The following C4orf54 variants were observed in gnomAD, a reference collection of about 807,000 sequenced individuals.
C4orf54 encodes uncharacterized protein C4orf54.
Under a neutral mutation model 80.1 loss-of-function variants are expected in C4orf54, and 67 were observed. The ratio of observed to expected loss-of-function variants is 0.84; its 90% CI spans 0.69 to 1.03. The LOEUF is 1.03. Ranked by LOEUF, C4orf54 falls within the 50% of genes least tolerant of loss-of-function variation. C4orf54 has a pLI of 0.00. For synonymous variants in C4orf54, 1,000 were observed against 917.0 expected (o/e 1.09, Z -1.64); for missense variants, 2,434 against 2,253.5 (o/e 1.08, Z -1.62).
At chr4:99,643,786 AC>A (rs1726647771) in intron 2 of C4orf54, among the ~76,000 whole-genome samples, 1 of 108,006 alleles carries the variant, frequency 9.3e-6, no homozygotes, top group South Asian at 3.1e-4. Flanking sequence ...ACACACACAC[AC>A]ACACACCCCC....
In C4orf54 at chr4:99,637,216, T is replaced by C. The variant is rs905654755; in HGVS notation, c.*4017A>G. 3.3e-5 allele frequency: 5 copies of C among 152,226 alleles called. No homozygotes were observed. The highest frequency in any genetic ancestry group is 1.2e-4 in the African/African-American group (5 of 41,472). The allele number at this position is 152,226 out of a possible 1,614,324, so 9.4% of individuals were successfully genotyped here. The stretch of plus-strand genomic sequence containing the variant: ...AAAAAGAAATCAAATCAGATGTGTG[T>C]GTTTTATTCTGCACCATTATGAATT... On this transcript the variant is annotated 3_prime_UTR_variant, in exon 3 of 3. Transcript: ENST00000511828.
chr4:99,645,410 T>TAAAAA (rs70958324), intron 2 of C4orf54, among the ~76,000 whole-genome samples: 44 of 55,496 alleles, frequency 7.9e-4, no homozygotes, highest in Admixed American at 1.5e-3. Context: ...AGGCTTACAG[T>TAAAAA]AAAAAAAAAA....
rs1347125204 is a variant in C4orf54 at position 99,654,617 on chromosome 4, C to A, written c.32G>T (p.Gly11Val). Reference protein sequence around the residue: MLSFHFWKSRGQPTDAASSVA... With the variant: MLSFHFWKSRVQPTDAASSVA... ...GGAAGAAGCAGCATCTGTAGGTTGA[C>A]CCCGGGACTTCCAGAAATGAAAGGA... The change falls in exon 2 of 3, where the codon GGT becomes GTT. Residue 11 changes from glycine to valine, a missense_variant. Coordinates refer to ENST00000511828, the MANE Select transcript of C4orf54 (RefSeq NM_001354435.2). 5.7e-6 allele frequency: 4 copies of A among 697,676 alleles called. No homozygotes were observed. In the Admixed American group the frequency reaches 8.0e-5, roughly 14 times the overall value. The allele number at this position is 697,676 out of a possible 1,614,324, so 43.2% of individuals were successfully genotyped here. A position where few individuals can be genotyped will look rare whatever the true frequency, so the allele number is the denominator to read the frequency against.
rs1316580182 is a variant in C4orf54, at chr4:99,649,593, C to G, written c.5056G>C (p.Val1686Leu). Residue 1686 changes from valine to leucine, a missense_variant, in exon 2 of 3, where the codon GTG becomes CTG. Coordinates refer to ENST00000511828, the MANE Select transcript of C4orf54 (RefSeq NM_001354435.2). The stretch of plus-strand genomic sequence containing the variant: ...GGCTGCAGAGCATTGGTGGGCAGCA[C>G]GGTAGGCAGAAACCCAGGGTAAATC... ...YMIYPGFLPTVLPTNALQPTP... is the reference protein window; with the variant it reads ...YMIYPGFLPTLLPTNALQPTP... The G allele has an allele frequency of 2.6e-6, 4 of 1,535,978 alleles. No homozygotes were observed. Among genetic ancestry groups the G allele is most frequent in the South Asian group, 2.4e-5 (2 of 84,058 alleles).
rs1425333404 is a variant in C4orf54 at position 99,640,792 on chromosome 4, A to G, written c.*441T>C. 6.6e-6 allele frequency: 1 copy of G among 152,174 alleles called. No homozygotes were observed. Among genetic ancestry groups the G allele is most frequent in the Non-Finnish European group, 1.5e-5 (1 of 68,008 alleles). The allele number at this position is 152,174 out of a possible 1,614,324, so 9.4% of individuals were successfully genotyped here. ...TGATATATTCCAAGAAACTATAAGG[A>G]GATTCGTGATCCAAATTACTCATTT... On this transcript the variant is annotated 3_prime_UTR_variant, in exon 3 of 3. Transcript: ENST00000511828.
intron 2 of C4orf54, among the ~76,000 whole-genome samples, chr4:99,645,367 C>T (rs554942463): frequency 2.0e-5 from 2 of 99,342 alleles, no homozygotes; most frequent in African/African-American, 8.7e-5. Flanking sequence ...AATGCAGGAG[C>T]AACATGAAAC....
intron 1 of C4orf54, among the ~76,000 whole-genome samples, chr4:99,657,050 T>C (rs1726989633): frequency 6.6e-6 from 1 of 152,240 alleles, no homozygotes; most frequent in Non-Finnish European, 1.5e-5. Context: ...ATCCTAGAAA[T>C]AAAATGAAAT....
chr4:99,646,139 A>G (rs183513523), intron 2 of C4orf54, among the ~76,000 whole-genome samples: 1 of 152,288 alleles, frequency 6.6e-6, no homozygotes, highest in East Asian at 1.9e-4. Flanking sequence ...CCCTATTGCA[A>G]TGTAGTGCTA....
chr4:99,651,497 G>T lies in C4orf54; in HGVS notation c.3152C>A (p.Pro1051His). ...AGAGGCGCTGCCACCGGCCAGCTTG[G>T]GCGTGAGCAACTTGGCAATGTTGAA... The part of the protein sequence containing the change: ...SDFNIAKLLT[P>H]KLAGGSASNL... Residue 1051 changes from proline (P) to histidine (H), a missense_variant, in exon 2 of 3, where the codon CCC becomes CAC. Physicochemically the swap from Pro to His is moderately conservative, Grantham distance 77 (BLOSUM62 -2). Transcript: ENST00000511828. 1 of 1,536,176 alleles carries T rather than the reference G, an allele frequency of 6.5e-7. No individual in the cohort carries two copies. The highest frequency in any genetic ancestry group is 8.7e-7 in the Non-Finnish European group (1 of 1,146,900).
At chr4:99,648,668 C>G (rs1726740506) in intron 2 of C4orf54, among the ~76,000 whole-genome samples, 1 of 152,056 alleles carries the variant, frequency 6.6e-6, no homozygotes, top group Non-Finnish European at 1.5e-5. Flanking sequence ...TTAAAAAATA[C>G]AGTCGCTTTG....
At position 99,649,915 on chromosome 4, in the gene C4orf54, G is replaced by T; in HGVS notation, c.4734C>A (p.Cys1578Ter). The T allele has an allele frequency of 6.5e-7, 1 of 1,529,400 alleles. No homozygotes were observed. 94.7% of individuals were successfully genotyped at this position (1,529,400 alleles called of 1,614,324 possible). Residue 1578 changes from cysteine to a stop codon, truncating the protein, a stop_gained, in exon 2 of 3, where the codon TGC becomes TGA. Coordinates refer to ENST00000511828, the MANE Select transcript of C4orf54 (RefSeq NM_001354435.2). LOFTEE classifies it low-confidence loss of function (END_TRUNC). ...TLQGAQPQVL[C>*]FSPPSMPAPA... ...GGGCAGGCATGCTGGGTGGGGAGAA[G>T]CAGAGGACCTGAGGCTGGGCCCCCT...
chr4:99,653,524 C>T lies in C4orf54; in HGVS notation c.1125G>A (p.Leu375=), dbSNP rs781675901. 7.2e-6 allele frequency: 11 copies of T among 1,536,102 alleles called. No individual in the cohort carries two copies. In the South Asian group the frequency reaches 1.1e-4, roughly 15 times the overall value. The part of the protein sequence containing the change: ...AHYITTHEIQ[L]SEVEQDMDFD... ...AATCCATGTCCTGTTCCACCTCACT[C>T]AGCTGGATCTCATGGGTGGTGATGT... Residue 375 remains leucine, a synonymous_variant, in exon 2 of 3, where the codon CTG becomes CTA. Coordinates refer to ENST00000511828, the MANE Select transcript of C4orf54 (RefSeq NM_001354435.2).
In C4orf54 at chr4:99,654,415, C is replaced by G. The variant is rs928602368; in HGVS notation, c.234G>C (p.Ala78=). Residue 78 remains alanine (A), a synonymous_variant, in exon 2 of 3, where the codon GCG becomes GCC. Transcript: ENST00000511828. The part of the protein sequence containing the change: ...RSLPTSLRLA[A]APPQGLKNWE... ...AGTTCTTCAGCCCCTGTGGCGGGGC[C>G]GCAGCAAGCCTGAGGGAGGTGGGAA... 28 of 803,536 alleles carry G rather than the reference C, an allele frequency of 3.5e-5. No individual in the cohort carries two copies. The African/African-American group carries it at 4.1e-4, about 12-fold the overall frequency. 49.8% of individuals were successfully genotyped at this position (803,536 alleles called of 1,614,324 possible).
chr4:99,654,724 A>G (rs1430725512), intron 1 of C4orf54, 45 bp from the exon 2 acceptor site: 1 of 628,050 alleles, frequency 1.6e-6, no homozygotes, highest in East Asian at 2.7e-5. Context: ...AAATATTTTT[A>G]GTGTCCATTC....
intron 1 of C4orf54, among the ~76,000 whole-genome samples, chr4:99,656,850 G>A (rs1326292070): frequency 1.3e-5 from 2 of 152,188 alleles, no homozygotes; most frequent in Non-Finnish European, 2.9e-5. Flanking sequence ...GCTACACAGT[G>A]TTGCTGACTT....
In C4orf54 at chr4:99,653,467, G is replaced by A. The variant is rs766234036; in HGVS notation, c.1182C>T (p.Phe394=). 6 of 1,536,082 alleles carry A rather than the reference G, an allele frequency of 3.9e-6. No homozygotes were observed. The East Asian group carries it at 7.3e-5, about 19-fold the overall frequency. ...ACGAGTAGATCACGTTGTTGTCCTC[G>A]AAATCCCAGCGGGAGGCCAGTCCCA... ...FDVGLASRWD[F]EDNNVIYSFV... The change falls in exon 2 of 3, where the codon TTC becomes TTT. Residue 394 remains phenylalanine, a synonymous_variant. Coordinates refer to ENST00000511828, the MANE Select transcript of C4orf54 (RefSeq NM_001354435.2).
chr4:99,655,150 C>T (rs774698304), intron 1 of C4orf54, among the ~76,000 whole-genome samples: 1 of 152,172 alleles, frequency 6.6e-6, no homozygotes, highest in African/African-American at 2.4e-5. Flanking sequence ...ATCCCTCTTT[C>T]CCCAAAGTTA....
Position 99,652,525 on chromosome 4 carries a change from C to T in C4orf54, c.2124G>A (p.Gln708=), listed in dbSNP as rs1177900989. The change falls in exon 2 of 3, where the codon CAG becomes CAA. Residue 708 remains glutamine, a synonymous_variant. Coordinates refer to ENST00000511828, the MANE Select transcript of C4orf54 (RefSeq NM_001354435.2). ...AGGCCTTGGTCTGAGACTTCTTGGACTGGATGTAGAGCTGGTCGGCAGTGG... is the reference window on the plus strand; with the variant it reads ...AGGCCTTGGTCTGAGACTTCTTGGATTGGATGTAGAGCTGGTCGGCAGTGG... ...ARATADQLYI[Q]SKKSQTKALE... is the part of the protein sequence containing the mutation. 2.0e-5 allele frequency: 31 copies of T among 1,535,960 alleles called. No homozygotes were observed. Among genetic ancestry groups the T allele is most frequent in the South Asian group, 4.8e-5 (4 of 84,070 alleles).
intron 2 of C4orf54, among the ~76,000 whole-genome samples, chr4:99,643,653 T>C (rs553866873): frequency 7.3e-5 from 11 of 151,494 alleles, no homozygotes; most frequent in African/African-American, 2.7e-4. Context: ...AAAACACACA[T>C]AGAGTTTTAG....
Sources: allele counts gnomAD v4.1 joint callset (sites outside exome capture counted in the v4.1 genomes callset), GRCh38; gene constraint gnomAD v4.1.1; transcripts MANE v1.5; gene names NCBI Gene and HGNC (gene_info 2026-07-23, HGNC 2026-07-21).